Variants in ZSWIM2 observed in about 807,000 individuals in gnomAD.
The protein encoded by ZSWIM2 is zinc finger SWIM-type containing 2.
ZSWIM2 carries 38 observed loss-of-function variants against 48.4 expected under a neutral mutation model. The observed-to-expected ratio is 0.79, with a 90% CI of 0.61 to 1.03. The LOEUF is 1.03. Ranked by LOEUF, ZSWIM2 falls within the 50% of genes least tolerant of loss-of-function variation. The probability of loss-of-function intolerance (pLI) is 0.00; values close to 1 mark genes in which losing one functional copy is unlikely to be tolerated. For synonymous variants in ZSWIM2, 240 were observed against 251.3 expected (o/e 0.96, Z 0.42); for missense variants, 776 against 730.2 (o/e 1.06, Z -0.72).
chr2:186,844,472 T>C (rs543717983), intron 3 of ZSWIM2, among the ~76,000 whole-genome samples: 1 of 151,688 alleles, frequency 6.6e-6, no homozygotes, highest in East Asian at 1.9e-4. Flanking sequence ...AACTGGCCAT[T>C]GTTTCATACC....
chr2:186,838,834 A>T (rs1420470462), intron 4 of ZSWIM2, 125 bp downstream of exon 4: 3 of 467,744 alleles, frequency 6.4e-6, no homozygotes, highest in Non-Finnish European at 1.1e-5. Flanking sequence ...AATGTTAATT[A>T]AGTATAAATT....
At chr2:186,839,237 T>C (rs986824825) in intron 3 of ZSWIM2, 68 bp from the exon 4 acceptor site, 17 of 1,397,704 alleles carry the variant, frequency 1.2e-5, no homozygotes, top group Non-Finnish European at 1.6e-5. Flanking sequence ...TAACAACTTA[T>C]GCTGAAAGTT....
intron 3 of ZSWIM2, 39 bp downstream of exon 3, chr2:186,844,678 T>TAAA: frequency 7.4e-7 from 1 of 1,355,248 alleles, no homozygotes; most frequent in Non-Finnish European, 9.9e-7. Context: ...AGTAGTAAAA[T>TAAA]AAAAAAAAAA....
Position 186,828,221 on chromosome 2 carries a change from T to C in ZSWIM2, c.1665A>G (p.Leu555=), listed in dbSNP as rs1168370089. 1.9e-6 allele frequency: 3 copies of C among 1,613,554 alleles called. No individual in the cohort carries two copies. The highest frequency in any genetic ancestry group is 2.2e-5 in the East Asian group (1 of 44,850). Residue 555 remains leucine (L), a synonymous_variant, in exon 9 of 9, where the codon CTA becomes CTG. Coordinates refer to ENST00000295131, the MANE Select transcript of ZSWIM2 (RefSeq NM_182521.3). Reference sequence around the variant, plus strand: ...TTATTTTAGTGGCAGGAGTCTTCTTTAGGTTGTGGTTATTACATTTACAGC... The same window carrying C: ...TTATTTTAGTGGCAGGAGTCTTCTTCAGGTTGTGGTTATTACATTTACAGC... ...TKGCKCNNHN[L]KKTPATKIRE...
At chr2:186,844,790 AT>A in intron 2 of ZSWIM2, 33 bp from the exon 3 acceptor site, 2 of 1,525,608 alleles carry the variant, frequency 1.3e-6, no homozygotes, top group African/African-American at 1.4e-5. Flanking sequence ...AAATCAAGAC[AT>A]TTATTTTTGG....
intron 4 of ZSWIM2, 93 bp downstream of exon 4, chr2:186,838,866 T>A: frequency 9.0e-7 from 1 of 1,111,192 alleles, no homozygotes; most frequent in Non-Finnish European, 1.2e-6. Flanking sequence ...AAGTTGTCTA[T>A]TTTTTCCCTA....
intron 2 of ZSWIM2, 45 bp downstream of exon 2, chr2:186,847,674 C>T: frequency 1.4e-6 from 2 of 1,425,096 alleles, no homozygotes; most frequent in South Asian, 1.3e-5. Flanking sequence ...TTTAACACAC[C>T]AAGATGTTCC....
rs1293436022 is a variant in ZSWIM2, at chr2:186,849,025, C to T, written c.106G>A (p.Glu36Lys). 6.2e-7 allele frequency: 1 copy of T among 1,614,194 alleles called. No individual in the cohort carries two copies. The highest frequency in any genetic ancestry group is 8.5e-7 in the Non-Finnish European group (1 of 1,180,026). The change falls in exon 1 of 9, where the codon GAG becomes AAG. Residue 36 changes from glutamate to lysine, a missense_variant. By Grantham distance (56) the Glu-to-Lys change is moderately conservative. Transcript: ENST00000295131. ...AGCAGGAAGCCAGTGGGGCCCATCT[C>T]TCGTAGGAGGTAGATGCTGCTACTC... is the stretch of plus-strand genomic sequence containing the variant. The part of the protein sequence containing the change: ...ALSSSIYLLR[E>K]MGPTGFLLRE...
At chr2:186,838,865 A>AT (rs1168726054) in intron 4 of ZSWIM2, 94 bp downstream of exon 4, 10 of 1,098,040 alleles carry the variant, frequency 9.1e-6, no homozygotes, top group Non-Finnish European at 6.3e-6. Flanking sequence ...AAAGTTGTCT[A>AT]TTTTTTCCCT....
rs1262408884 is a variant in ZSWIM2, at chr2:186,848,985, G to A, written c.146C>T (p.Pro49Leu). 6 of 1,614,070 alleles carry A rather than the reference G, an allele frequency of 3.7e-6. No individual in the cohort carries two copies. Among genetic ancestry groups the A allele is most frequent in the South Asian group, 1.1e-5 (1 of 91,066 alleles). Reference sequence around the variant, plus strand: ...AGTTACTCGGAAATCCATGTATTCCGGCTCCTCCTCCCTCAGCAGGAAGCC... The same window carrying A: ...AGTTACTCGGAAATCCATGTATTCCAGCTCCTCCTCCCTCAGCAGGAAGCC... ...PTGFLLREEE[P>L]EYMDFRVFLG... The change falls in exon 1 of 9, where the codon CCG becomes CTG. Residue 49 changes from proline to leucine, a missense_variant. Pro to Leu is a moderately conservative substitution (Grantham distance 98). Coordinates refer to ENST00000295131, the MANE Select transcript of ZSWIM2 (RefSeq NM_182521.3).
At position 186,829,707 on chromosome 2, in the gene ZSWIM2, TA is replaced by T; in HGVS notation, c.1095+19del. ...ACTGACCCTACAGGGAAAGTAAAAC[TA>T]AAATGATGTGACTTTTACCTTGTGA... On this transcript the variant is annotated intron_variant, in intron 8 of 8. Coordinates refer to ENST00000295131, the MANE Select transcript of ZSWIM2 (RefSeq NM_182521.3). 1 of 1,599,234 alleles carries T rather than the reference TA, an allele frequency of 6.3e-7. No individual in the cohort carries two copies.
At chr2:186,848,882 T>C (rs1171440145) in intron 1 of ZSWIM2, 84 bp downstream of exon 1, 1 of 1,554,410 alleles carries the variant, frequency 6.4e-7, no homozygotes, top group Admixed American at 1.7e-5. Context: ...ATTGTGATGG[T>C]GGCTACGCAC....
At chr2:186,830,988 C>T (rs1691688985) in intron 7 of ZSWIM2, among the ~76,000 whole-genome samples, 1 of 152,116 alleles carries the variant, frequency 6.6e-6, no homozygotes, top group African/African-American at 2.4e-5. Context: ...CCAGGGTCCT[C>T]TAATTTCAAT....
At chr2:186,837,216 G>A in intron 5 of ZSWIM2, 90 bp downstream of exon 5, 1 of 1,365,012 alleles carries the variant, frequency 7.3e-7, no homozygotes, top group Non-Finnish European at 1.0e-6. Context: ...GGAAGAGGGA[G>A]GCTACAGAAC....
intron 5 of ZSWIM2, among the ~76,000 whole-genome samples, chr2:186,835,408 C>T (rs1691776192): frequency 6.6e-6 from 1 of 152,020 alleles, no homozygotes; most frequent in South Asian, 2.1e-4. Flanking sequence ...AAGATTATTG[C>T]CATGAGAAAT....
At chr2:186,830,684 C>G (rs1030365347) in intron 7 of ZSWIM2, among the ~76,000 whole-genome samples, 9 of 119,996 alleles carry the variant, frequency 7.5e-5, no homozygotes, top group Non-Finnish European at 1.4e-4. Context: ...CACTTCAATA[C>G]TGTTAGACTA....
In ZSWIM2 at chr2:186,839,185, A is replaced by G. The variant is rs1212997191; in HGVS notation, c.284-16T>C. The G allele has an allele frequency of 6.2e-7, 1 of 1,608,188 alleles. No individual in the cohort carries two copies. Among genetic ancestry groups the G allele is most frequent in the Admixed American group, 1.7e-5 (1 of 59,608 alleles). On this transcript the variant is annotated splice_polypyrimidine_tract_variant and intron_variant, in intron 3 of 8. Transcript: ENST00000295131. ...TGTAAAGCAGCTAGTGAGAAATCCC[A>G]AAGTATTAAAATCCAGTCATAAAAT...
rs1183874116 is a variant in ZSWIM2, at chr2:186,829,814, C to A, written c.1008G>T (p.Lys336Asn). 2.5e-6 allele frequency: 4 copies of A among 1,613,630 alleles called. No homozygotes were observed. The highest frequency in any genetic ancestry group is 3.4e-6 in the Non-Finnish European group (4 of 1,179,738). Residue 336 changes from lysine to asparagine, a missense_variant, in exon 8 of 9, where the codon AAG (lysine) becomes AAT (asparagine). Lys to Asn is a moderately conservative substitution (Grantham distance 94). Transcript: ENST00000295131. ...LPLQLITKNS[K>N]LLAPGYQCLL... ...GACACTGGTAGCCTGGAGCAAGCAG[C>A]TTACTATTCTTAGTAATCAGTTGGA...
At chr2:186,830,216 A>G (rs909942923) in intron 7 of ZSWIM2, among the ~76,000 whole-genome samples, 19 of 151,882 alleles carry the variant, frequency 1.3e-4, no homozygotes, top group African/African-American at 4.6e-4. Flanking sequence ...CCCATCTCTA[A>G]TAAAAATATA....
Sources: gnomAD v4.1 joint callset for allele counts (sites outside exome capture counted in the v4.1 genomes callset) on GRCh38, gnomAD v4.1.1 for gene constraint, MANE v1.5 for transcripts, NCBI Gene and HGNC (gene_info 2026-07-23, HGNC 2026-07-21) for gene names.